The following NRCAM variants were observed in gnomAD, a reference collection of about 807,000 sequenced individuals.
The protein encoded by NRCAM is NgCAM-related cell adhesion molecule.
A neutral mutation model predicts 156.5 loss-of-function variants in NRCAM; 83 were observed. That is an observed-to-expected ratio of 0.53 (90% CI 0.44 to 0.64). The LOEUF (loss-of-function observed/expected upper bound fraction) is 0.64. NRCAM is among the 30% of genes least tolerant of loss of function. The pLI, the probability that NRCAM is intolerant of heterozygous loss-of-function variation, is 0.00. For synonymous variants in NRCAM, 538 were observed against 563.9 expected (o/e 0.95, Z 0.65); for missense variants, 1,417 against 1,597.3 (o/e 0.89, Z 1.92).
chr7:108,311,391 TAG>T (rs79434583), intron 3 of NRCAM, among the ~76,000 whole-genome samples: 27,404 of 152,030 alleles, frequency 0.18, 3,315 homozygotes, highest in East Asian at 0.44. Context: ...AGGACACTTG[TAG>T]AGGAGAGGGG....
intron 2 of NRCAM, among the ~76,000 whole-genome samples, chr7:108,392,269 A>G (rs966664716): frequency 6.6e-6 from 1 of 152,010 alleles, no homozygotes; most frequent in African/African-American, 2.4e-5. Flanking sequence ...GGCTTTGTTC[A>G]TTTCTTTTTA....
chr7:108,301,227 G>A (rs879280783), intron 3 of NRCAM, among the ~76,000 whole-genome samples: 1 of 152,206 alleles, frequency 6.6e-6, no homozygotes, highest in African/African-American at 2.4e-5. Flanking sequence ...ACCAGGAAAA[G>A]AGTTAAGGAC....
chr7:108,361,718 T>C (rs1350523843), intron 2 of NRCAM, among the ~76,000 whole-genome samples: 1 of 152,184 alleles, frequency 6.6e-6, no homozygotes, highest in Non-Finnish European at 1.5e-5. Flanking sequence ...CTGCAGATCC[T>C]GGGAGCCAGT....
At chr7:108,236,063 C>A (rs1468186317) in intron 5 of NRCAM, among the ~76,000 whole-genome samples, 2 of 152,158 alleles carry the variant, frequency 1.3e-5, no homozygotes, top group African/African-American at 2.4e-5. Context: ...GCCCATACCT[C>A]TGCTTCCTTT....
At chr7:108,450,245 C>T (rs987386207) in intron 1 of NRCAM, among the ~76,000 whole-genome samples, 9 of 142,840 alleles carry the variant, frequency 6.3e-5, no homozygotes, top group African/African-American at 2.3e-4. Context: ...AATTTGTTCC[C>T]TTTACCACTG....
rs1807517705 is a variant in NRCAM at position 108,420,183 on chromosome 7, C to T, written c.-331-20590G>A. Among the ~76,000 whole-genome samples the T allele has an allele frequency of 2.0e-5, 3 of 151,964 alleles. No individual in the cohort carries two copies. In the South Asian group the frequency reaches 6.2e-4, roughly 32 times the overall value. Reference sequence around the variant, plus strand: ...CAGAAGTGGACTGAAATGTGTTGGTCTTATCTTTGTCTGGCCTCTATGAAT... The same window carrying T: ...CAGAAGTGGACTGAAATGTGTTGGTTTTATCTTTGTCTGGCCTCTATGAAT... On this transcript the variant is annotated intron_variant, in intron 1 of 32. Transcript: ENST00000379028.
chr7:108,161,065 A>G, intron 30 of NRCAM, among the ~76,000 whole-genome samples: 1 of 152,204 alleles, frequency 6.6e-6, no homozygotes, highest in Middle Eastern at 3.2e-3. Context: ...TAACATCTCA[A>G]TTTGCACCCA....
intron 1 of NRCAM, among the ~76,000 whole-genome samples, chr7:108,435,985 T>A (rs1037474618): frequency 6.6e-6 from 1 of 151,998 alleles, no homozygotes; most frequent in African/African-American, 2.4e-5. Context: ...ACAAAAAAAA[T>A]TAGCCGGGCG....
chr7:108,444,684 T>C (rs891084854), intron 1 of NRCAM, among the ~76,000 whole-genome samples: 4 of 152,316 alleles, frequency 2.6e-5, no homozygotes, highest in African/African-American at 9.6e-5. Context: ...TCTGCCTATC[T>C]CCAAATTGCC....
chr7:108,180,946 G>A (rs1027470186), intron 24 of NRCAM, among the ~76,000 whole-genome samples: 2 of 152,192 alleles, frequency 1.3e-5, no homozygotes, highest in Admixed American at 1.3e-4. Flanking sequence ...GAGGTATCAA[G>A]AGCCACAGGG....
chr7:108,195,118 T>C (rs1336005877), intron 15 of NRCAM, among the ~76,000 whole-genome samples: 2 of 151,992 alleles, frequency 1.3e-5, no homozygotes, highest in African/African-American at 4.8e-5. Flanking sequence ...TCAAGGAATA[T>C]CCCCTAACTA....
chr7:108,173,349 C>T (rs2059263284), intron 28 of NRCAM, among the ~76,000 whole-genome samples: 1 of 151,864 alleles, frequency 6.6e-6, no homozygotes, highest in Admixed American at 6.6e-5. Flanking sequence ...TTATTTATTC[C>T]CTATTGTCCT....
At chr7:108,150,989 T>C (rs1217083165) in intron 32 of NRCAM, among the ~76,000 whole-genome samples, 1 of 152,168 alleles carries the variant, frequency 6.6e-6, no homozygotes, top group Non-Finnish European at 1.5e-5. Context: ...AGCTCCCTTC[T>C]TCCTTGTGTG....
chr7:108,340,563 G>T (rs572310811), intron 2 of NRCAM, among the ~76,000 whole-genome samples: 5 of 152,280 alleles, frequency 3.3e-5, no homozygotes, highest in Middle Eastern at 3.4e-3. Flanking sequence ...GAGAACGATT[G>T]CCCACAGGCC....
At position 108,184,171 on chromosome 7, in the gene NRCAM, ATAT is replaced by A. The variant is rs2065265214; in HGVS notation, c.2304+67_2304+69del. 15 of 1,140,518 alleles carry A rather than the reference ATAT, an allele frequency of 1.3e-5. 1 individual carries two copies. In the South Asian group the frequency reaches 1.7e-4, roughly 13 times the overall value. 70.6% of individuals were successfully genotyped at this position (1,140,518 alleles called of 1,614,324 possible). On this transcript the variant is annotated intron_variant, in intron 22 of 32. Coordinates refer to ENST00000379028, the MANE Select transcript of NRCAM (RefSeq NM_001037132.4). Reference sequence around the variant, plus strand: ...TAGGTGAAATGAGATTCTAATGTAGATATTATTTTCAAACAACTTTTTTTTCAC... The same window carrying A: ...TAGGTGAAATGAGATTCTAATGTAGATATTTTCAAACAACTTTTTTTTCAC...
At chr7:108,416,174 G>A (rs1190686978) in intron 1 of NRCAM, among the ~76,000 whole-genome samples, 5 of 152,194 alleles carry the variant, frequency 3.3e-5, no homozygotes, top group Non-Finnish European at 5.9e-5. Flanking sequence ...CATCTTCATG[G>A]AGCAAGAATA....
chr7:108,422,350 G>C (rs1234730501), intron 1 of NRCAM, among the ~76,000 whole-genome samples: 1 of 151,820 alleles, frequency 6.6e-6, no homozygotes, highest in Non-Finnish European at 1.5e-5. Context: ...TTGGGAGGTG[G>C]GACTATTATT....
chr7:108,455,286 A>C (rs1855571130), intron 1 of NRCAM, among the ~76,000 whole-genome samples: 1 of 151,788 alleles, frequency 6.6e-6, no homozygotes, highest in Admixed American at 6.5e-5. Context: ...GGCAGCGCCC[A>C]CCCGCGCGGC....
At chr7:108,207,706 AT>A in intron 12 of NRCAM, 47 bp from the exon 13 acceptor site, 1 of 1,532,908 alleles carries the variant, frequency 6.5e-7, no homozygotes, top group Non-Finnish European at 8.9e-7. Flanking sequence ...TCAAATAAGC[AT>A]TTTAGCAAAA....
Sources: allele counts gnomAD v4.1 joint callset (sites outside exome capture counted in the v4.1 genomes callset), GRCh38; gene constraint gnomAD v4.1.1; transcripts MANE v1.5; gene names NCBI Gene and HGNC (gene_info 2026-07-23, HGNC 2026-07-21).